Variants in SMAD5 observed in about 807,000 individuals in gnomAD.
The protein encoded by SMAD5 is MAD, mothers against decapentaplegic homolog 5.
A neutral mutation model predicts 43.1 loss-of-function variants in SMAD5; 9 were observed. The ratio of observed to expected loss-of-function variants is 0.21; its 90% CI spans 0.13 to 0.36. The LOEUF is 0.36. Ranked by LOEUF, SMAD5 falls within the 10% of genes least tolerant of loss-of-function variation. SMAD5 has a pLI of 1.00. For missense variants in SMAD5, 348 were observed against 574.0 expected, an observed-to-expected ratio of 0.61 and a Z score of 4.02; for synonymous variants, 190 against 192.4, an observed-to-expected ratio of 0.99 and a Z score of 0.10.
intron 2 of SMAD5, among the ~76,000 whole-genome samples, chr5:136,148,908 C>A (rs959041779): frequency 5.3e-5 from 8 of 151,744 alleles, no homozygotes; most frequent in Middle Eastern, 3.2e-3. Context: ...TTGAAATAAT[C>A]ATCTAGTAAA....
chr5:136,151,146 G>T (rs1753443800), intron 2 of SMAD5, among the ~76,000 whole-genome samples: 1 of 151,824 alleles, frequency 6.6e-6, no homozygotes, highest in Non-Finnish European at 1.5e-5. Context: ...TTTGATAAAT[G>T]GACACTATTC....
chr5:136,133,225 C>G (rs1752736913), intron 1 of SMAD5: 1 of 152,414 alleles, frequency 6.6e-6, no homozygotes, highest in Admixed American at 6.5e-5. Context: ...CCCAGCCCCG[C>G]TGTTACCGCC....
chr5:136,146,761 T>C (rs72794956), intron 1 of SMAD5, among the ~76,000 whole-genome samples: 11 of 151,916 alleles, frequency 7.2e-5, no homozygotes, highest in Non-Finnish European at 1.2e-4. Context: ...TAAAGAAGTT[T>C]TAATCTCAGT....
intron 1 of SMAD5, among the ~76,000 whole-genome samples, chr5:136,146,820 A>T (rs1379402792): frequency 6.6e-6 from 1 of 151,748 alleles, no homozygotes; most frequent in African/African-American, 2.4e-5. Context: ...TTAGAAACCT[A>T]GCTGTTAAAT....
chr5:136,175,744 T>C (rs1279463325), intron 7 of SMAD5, among the ~76,000 whole-genome samples: 3 of 152,352 alleles, frequency 2.0e-5, no homozygotes, highest in South Asian at 2.1e-4. Context: ...GTTTTCATGA[T>C]ACTTTGCTGT....
intron 5 of SMAD5, among the ~76,000 whole-genome samples, chr5:136,167,777 C>CAAAA (rs1016927753): frequency 1.8e-5 from 1 of 56,388 alleles, no homozygotes. Flanking sequence ...GATTCCATCT[C>CAAAA]AAAAAAAAAA....
rs188074992 is a variant in SMAD5 at position 136,143,276 on chromosome 5, T to A, written c.-244-4556T>A. Among the ~76,000 whole-genome samples the A allele has an allele frequency of 2.6e-5, 4 of 152,052 alleles. No homozygotes were observed. The East Asian group carries it at 7.7e-4, about 29-fold the overall frequency. ...ACATCCCTCGTATCTCTTTTTTTTT[T>A]TTTTATTTAATCACGGTGTGTGTGT... On this transcript the variant is annotated intron_variant, in intron 1 of 7. Coordinates refer to ENST00000545279, the MANE Select transcript of SMAD5 (RefSeq NM_005903.7).
chr5:136,163,478 T>C, intron 5 of SMAD5, 87 bp downstream of exon 5: 13 of 1,070,358 alleles, frequency 1.2e-5, no homozygotes, highest in Non-Finnish European at 1.7e-5. Context: ...TTTATTGAGG[T>C]ATAATTTATA....
At chr5:136,169,222 C>G (rs2149778639) in intron 5 of SMAD5, among the ~76,000 whole-genome samples, 2 of 152,282 alleles carry the variant, frequency 1.3e-5, no homozygotes, top group Admixed American at 1.3e-4. Flanking sequence ...AAGCATCCAG[C>G]ACAGGAGAAA....
chr5:136,168,224 G>C (rs982964249), intron 5 of SMAD5, among the ~76,000 whole-genome samples: 1 of 152,100 alleles, frequency 6.6e-6, no homozygotes, highest in African/African-American at 2.4e-5. Context: ...CTGGGATGTA[G>C]AGCTTCCATG....
intron 5 of SMAD5, among the ~76,000 whole-genome samples, chr5:136,170,305 T>C (rs951727532): frequency 6.6e-6 from 1 of 152,204 alleles, no homozygotes; most frequent in African/African-American, 2.4e-5. Context: ...TTGATGTAGC[T>C]GTCCAGTTGT....
intron 1 of SMAD5, chr5:136,133,626 C>T (rs1042935924): frequency 6.6e-6 from 1 of 152,488 alleles, no homozygotes; most frequent in Non-Finnish European, 1.5e-5. Flanking sequence ...AATGCCAAAG[C>T]AGCGTCTTTT....
intron 7 of SMAD5, among the ~76,000 whole-genome samples, chr5:136,175,146 A>ACTTT (rs1485184560): frequency 6.6e-6 from 1 of 152,156 alleles, no homozygotes. Context: ...ATCTTATGAG[A>ACTTT]CTTTATTCAC....
chr5:136,143,849 C>CA (rs1328375147), intron 1 of SMAD5, among the ~76,000 whole-genome samples: 1 of 151,946 alleles, frequency 6.6e-6, no homozygotes, highest in African/African-American at 2.4e-5. Flanking sequence ...TAAACCCCCT[C>CA]AACCAACTTC....
At chr5:136,135,491 A>T (rs1752842911) in intron 1 of SMAD5, among the ~76,000 whole-genome samples, 1 of 152,214 alleles carries the variant, frequency 6.6e-6, no homozygotes, top group South Asian at 2.1e-4. Flanking sequence ...ACAGATTTGT[A>T]ACTTGGTCAA....
In SMAD5 at chr5:136,163,343, A is replaced by G. The variant is rs767364727; in HGVS notation, c.727A>G (p.Thr243Ala). 5 of 1,611,726 alleles carry G rather than the reference A, an allele frequency of 3.1e-6. No individual in the cohort carries two copies. The highest frequency in any genetic ancestry group is 1.3e-5 in the African/African-American group (1 of 74,986). ...MGQDNSQPMD[T>A]SNNMIPQIMP... is the part of the protein sequence containing the mutation. ...TCAAGATAATTCCCAGCCTATGGAT[A>G]CAAGCAATAATATGATTCCTCAGAT... Residue 243 changes from threonine to alanine, a missense_variant, in exon 5 of 8, where the codon ACA becomes GCA. By Grantham distance (58) the Thr-to-Ala change is moderately conservative. Coordinates refer to ENST00000545279, the MANE Select transcript of SMAD5 (RefSeq NM_005903.7).
intron 1 of SMAD5, among the ~76,000 whole-genome samples, chr5:136,140,322 G>C (rs910726869): frequency 2.0e-5 from 3 of 152,166 alleles, no homozygotes; most frequent in African/African-American, 7.2e-5. Context: ...TATCATGTCT[G>C]TGCTCAGAGC....
At position 136,167,556 on chromosome 5, in the gene SMAD5, TC is replaced by T. The variant is rs1754064850; in HGVS notation, c.775+4166del. ...ACTTTGGGAGGCCGAGGCAGGCAGA[TC>T]ATCTGAGGCTCAGGAGTTTGAGACC... On this transcript the variant is annotated intron_variant, in intron 5 of 7. Coordinates refer to ENST00000545279, the MANE Select transcript of SMAD5 (RefSeq NM_005903.7). Among the ~76,000 whole-genome samples, 3 of 152,218 alleles carry T rather than the reference TC, an allele frequency of 2.0e-5. No individual in the cohort carries two copies. The South Asian group carries it at 6.2e-4, about 32-fold the overall frequency.
intron 2 of SMAD5, among the ~76,000 whole-genome samples, chr5:136,148,844 G>A (rs1411507397): frequency 4.0e-5 from 6 of 151,778 alleles, no homozygotes; most frequent in African/African-American, 1.5e-4. Flanking sequence ...TGTGAATAGG[G>A]ACTGATTTTA....
Sources: gnomAD v4.1 joint callset for allele counts (sites outside exome capture counted in the v4.1 genomes callset) on GRCh38, gnomAD v4.1.1 for gene constraint, MANE v1.5 for transcripts, NCBI Gene and HGNC (gene_info 2026-07-23, HGNC 2026-07-21) for gene names.